The following OR56A3 variants were observed in gnomAD, a reference collection of about 807,000 sequenced individuals.
OR56A3 encodes the protein olfactory receptor family 56 subfamily A member 3.
A neutral mutation model predicts 17.5 loss-of-function variants in OR56A3; 23 were observed. The observed-to-expected ratio is 1.32, with a 90% CI of 0.95 to 1.87. The LOEUF (loss-of-function observed/expected upper bound fraction) is 1.87, where lower values mean the gene tolerates loss of function less well. OR56A3 is among the 40% of genes most tolerant of loss of function. The probability of loss-of-function intolerance (pLI) is 0.00; values close to 1 mark genes in which losing one functional copy is unlikely to be tolerated. For missense variants in OR56A3, 366 were observed against 380.1 expected (o/e 0.96, Z 0.31); for synonymous variants, 175 against 150.6 (o/e 1.16, Z -1.19).
chr11:5,997,879 A>G, the OR56A3 span, among the ~76,000 whole-genome samples: 1 of 152,188 alleles, frequency 6.6e-6, no homozygotes, highest in African/African-American at 2.4e-5. Flanking sequence ...CTACATCACA[A>G]TGGCTTCAAA....
rs1847902604 is a variant in OR56A3, at chr11:5,950,705, A to G, written c.*2411A>G. The G allele has an allele frequency of 6.6e-6, 1 of 152,170 alleles. No homozygotes were observed. Among genetic ancestry groups the G allele is most frequent in the African/African-American group, 2.4e-5 (1 of 41,462 alleles). The allele number at this position is 152,170 out of a possible 1,614,324, so 9.4% of individuals were successfully genotyped here. On this transcript the variant is annotated 3_prime_UTR_variant, in exon 3 of 3. Coordinates refer to ENST00000641160, the MANE Select transcript of OR56A3 (RefSeq NM_001003443.3). ...ATCATTTCAACACATAACAAATACA[A>G]GATAATCATTAATGTGATATTGCAC...
the OR56A3 span, among the ~76,000 whole-genome samples, chr11:5,967,004 A>G: frequency 6.6e-6 from 1 of 152,124 alleles, no homozygotes. Context: ...GTAGCATTAG[A>G]TAAAAATATT....
At chr11:5,997,940 T>C in the OR56A3 span, among the ~76,000 whole-genome samples, 1 of 151,996 alleles carries the variant, frequency 6.6e-6, no homozygotes, top group South Asian at 2.1e-4. Context: ...AGCATGAAAA[T>C]CCAACTCACT....
chr11:5,959,947 T>C, the OR56A3 span, among the ~76,000 whole-genome samples: 40,717 of 152,098 alleles, frequency 0.27, 5,778 homozygotes, highest in East Asian at 0.47. Flanking sequence ...TGTGTGTTAT[T>C]GGCATCTTTG....
the OR56A3 span, chr11:5,995,049 T>C: frequency 1.6e-6 from 1 of 628,092 alleles, no homozygotes; most frequent in Non-Finnish European, 2.9e-6. Context: ...CCCCGGCGCC[T>C]GCATAGACGC....
Position 5,944,969 on chromosome 11 carries a change from G to A in OR56A3, c.-150G>A, listed in dbSNP as rs1399774738. 3 of 152,164 alleles carry A rather than the reference G, an allele frequency of 2.0e-5. No homozygotes were observed. The highest frequency in any genetic ancestry group is 4.4e-5 in the Non-Finnish European group (3 of 68,032). The allele number at this position is 152,164 out of a possible 1,614,324, so 9.4% of individuals were successfully genotyped here. On this transcript the variant is annotated 5_prime_UTR_variant, in exon 2 of 3. Transcript: ENST00000641160. Reference sequence around the variant, plus strand: ...GACAGCAGCCACAGTTACTAACAGGGTCTTTCTGATGAGGAGAATCTGACA... The same window carrying A: ...GACAGCAGCCACAGTTACTAACAGGATCTTTCTGATGAGGAGAATCTGACA...
chr11:5,990,802 G>A, the OR56A3 span, among the ~76,000 whole-genome samples: 1 of 152,178 alleles, frequency 6.6e-6, no homozygotes, highest in Non-Finnish European at 1.5e-5. Flanking sequence ...TGGTCTCTGG[G>A]CTGTCTTTGA....
At chr11:5,966,810 G>A in the OR56A3 span, among the ~76,000 whole-genome samples, 1 of 151,786 alleles carries the variant, frequency 6.6e-6, no homozygotes, top group African/African-American at 2.4e-5. Context: ...TCAGAAATCT[G>A]ATGGAAAAGT....
chr11:6,014,240 G>T, the OR56A3 span, among the ~76,000 whole-genome samples: 1 of 152,158 alleles, frequency 6.6e-6, no homozygotes, highest in Non-Finnish European at 1.5e-5. Context: ...ATGACACTAT[G>T]ATATAGTTTG....
At chr11:5,997,491 C>T in the OR56A3 span, among the ~76,000 whole-genome samples, 31 of 152,188 alleles carry the variant, frequency 2.0e-4, no homozygotes, top group African/African-American at 7.2e-4. Flanking sequence ...ACTTCCCTCC[C>T]CACAGCCCAC....
intron 2 of OR56A3, among the ~76,000 whole-genome samples, 184 bp downstream of exon 2, chr11:5,945,266 C>T (rs988555625): frequency 5.9e-5 from 9 of 152,022 alleles, no homozygotes; most frequent in African/African-American, 1.2e-4. Context: ...GGGGCAAATA[C>T]GTATAATAGA....
the OR56A3 span, chr11:5,968,509 G>A: frequency 6.5e-7 from 1 of 1,527,616 alleles, no homozygotes; most frequent in Non-Finnish European, 8.9e-7. Flanking sequence ...TAAATCCTCA[G>A]CTGAGAAAAT....
Position 5,948,250 on chromosome 11 carries a change from G to A in OR56A3, c.904G>A (p.Glu302Lys). The change falls in exon 3 of 3, where the codon GAA (glutamate) becomes AAA (lysine). Residue 302 changes from glutamate to lysine, a missense_variant. Physicochemically the swap from Glu to Lys is moderately conservative, Grantham distance 56. Coordinates refer to ENST00000641160, the MANE Select transcript of OR56A3 (RefSeq NM_001003443.3). ...CATCATTTACGGGGTGAGAACCCAAGAAATTAAGCAGGGAATGCAGAGGTT... is the reference window on the plus strand; with the variant it reads ...CATCATTTACGGGGTGAGAACCCAAAAAATTAAGCAGGGAATGCAGAGGTT... ...NPIIYGVRTQ[E>K]IKQGMQRLLK... 2 of 1,614,166 alleles carry A rather than the reference G, an allele frequency of 1.2e-6. No individual in the cohort carries two copies. The highest frequency in any genetic ancestry group is 2.2e-5 in the South Asian group (2 of 91,082).
the OR56A3 span, among the ~76,000 whole-genome samples, chr11:5,971,225 C>T: frequency 4.6e-5 from 7 of 152,184 alleles, no homozygotes; most frequent in African/African-American, 1.7e-4. Context: ...ACATACAGCA[C>T]CACCAAACTA....
chr11:5,991,367 C>A, the OR56A3 span, among the ~76,000 whole-genome samples: 2 of 152,144 alleles, frequency 1.3e-5, no homozygotes, highest in African/African-American at 4.8e-5. Context: ...CATCTATATT[C>A]TTTTCTCTCC....
chr11:5,970,138 T>C, the OR56A3 span, among the ~76,000 whole-genome samples: 1 of 152,300 alleles, frequency 6.6e-6, no homozygotes, highest in Admixed American at 6.5e-5. Flanking sequence ...AAATAAAATG[T>C]TAGAGAAAGC....
chr11:5,953,173 T>C (rs1242684714), downstream of OR56A3, among the ~76,000 whole-genome samples: 2 of 152,236 alleles, frequency 1.3e-5, no homozygotes, highest in Non-Finnish European at 2.9e-5. Context: ...TACCCAGTAA[T>C]GGGATTGCTG....
chr11:6,016,083 G>A, the OR56A3 span, among the ~76,000 whole-genome samples: 1 of 152,054 alleles, frequency 6.6e-6, no homozygotes, highest in Non-Finnish European at 1.5e-5. Context: ...TATGAGGGTG[G>A]TTTCTCATGA....
the OR56A3 span, chr11:5,968,485 G>T: frequency 3.2e-6 from 5 of 1,551,510 alleles, no homozygotes; most frequent in African/African-American, 6.8e-5. Context: ...TTGTTGCTGG[G>T]TAATGTCATG....
Sources: allele counts gnomAD v4.1 joint callset (sites outside exome capture counted in the v4.1 genomes callset), GRCh38; gene constraint gnomAD v4.1.1; transcripts MANE v1.5; gene names NCBI Gene and HGNC (gene_info 2026-07-23, HGNC 2026-07-21).